VPS13B: variants seen among roughly 807,000 people sequenced by gnomAD.
The protein encoded by VPS13B is vacuolar protein sorting 13 homolog B.
A neutral mutation model predicts 426.4 loss-of-function variants in VPS13B; 285 were observed. That is an observed-to-expected ratio of 0.67 (90% CI 0.61 to 0.74). VPS13B has a LOEUF of 0.74. Ranked by LOEUF, VPS13B falls within the 30% of genes least tolerant of loss-of-function variation. The pLI, the probability that VPS13B is intolerant of heterozygous loss-of-function variation, is 0.00. For synonymous variants in VPS13B, 1,676 were observed against 1,676.4 expected (o/e 1.00, Z 0.01); for missense variants, 4,537 against 4,782.6 (o/e 0.95, Z 1.51).
chr8:99,026,771 C>A, intron 2 of VPS13B, among the ~76,000 whole-genome samples: 1 of 152,064 alleles, frequency 6.6e-6, no homozygotes, highest in East Asian at 1.9e-4. Flanking sequence ...TACTCCTATT[C>A]ATTTTTGGTG....
chr8:99,088,916 C>T (rs1028804757), intron 3 of VPS13B, among the ~76,000 whole-genome samples: 1 of 152,146 alleles, frequency 6.6e-6, no homozygotes, highest in Non-Finnish European at 1.5e-5. Flanking sequence ...TTCATTCCTG[C>T]AGGTACAGTC....
intron 19 of VPS13B, among the ~76,000 whole-genome samples, chr8:99,300,946 C>T (rs981430113): frequency 7.3e-5 from 11 of 150,250 alleles, no homozygotes; most frequent in East Asian, 2.0e-4. Flanking sequence ...ACTTTTGGCC[C>T]GGCATGGTGG....
intron 26 of VPS13B, 59 bp from the exon 27 acceptor site, chr8:99,502,777 A>G: frequency 7.8e-7 from 1 of 1,276,066 alleles, no homozygotes; most frequent in Non-Finnish European, 1.1e-6. Flanking sequence ...TGTAAAATAG[A>G]AAGTTTTAAT....
chr8:99,034,468 A>G (rs1209939707), intron 2 of VPS13B, among the ~76,000 whole-genome samples: 1 of 151,866 alleles, frequency 6.6e-6, no homozygotes, highest in Admixed American at 6.6e-5. Context: ...TTAACTCGAA[A>G]TGAGTAGCTT....
At chr8:99,499,964 AT>A (rs538894022) in intron 25 of VPS13B, among the ~76,000 whole-genome samples, 152 of 152,316 alleles carry the variant, frequency 1.0e-3, no homozygotes, top group African/African-American at 3.5e-3. Flanking sequence ...GAAAGATGTT[AT>A]AAAACAATGA....
intron 39 of VPS13B, among the ~76,000 whole-genome samples, chr8:99,743,870 A>T (rs1418379716): frequency 6.6e-6 from 1 of 152,194 alleles, no homozygotes; most frequent in Non-Finnish European, 1.5e-5. Flanking sequence ...AACCATAAAA[A>T]CCCAGAAGAA....
chr8:99,345,713 G>A (rs1307017200), intron 19 of VPS13B, among the ~76,000 whole-genome samples: 1 of 152,078 alleles, frequency 6.6e-6, no homozygotes. Flanking sequence ...TCAGTCACCA[G>A]TGAAATAATG....
At chr8:99,150,990 A>C (rs1431517928) in intron 14 of VPS13B, among the ~76,000 whole-genome samples, 1 of 152,204 alleles carries the variant, frequency 6.6e-6, no homozygotes, top group Non-Finnish European at 1.5e-5. Context: ...ATGATTTTGC[A>C]TCCCTGCCAG....
At chr8:99,593,702 A>G (rs1032523379) in intron 33 of VPS13B, among the ~76,000 whole-genome samples, 8 of 152,172 alleles carry the variant, frequency 5.3e-5, no homozygotes, top group Admixed American at 3.3e-4. Flanking sequence ...TGTGGTAAGT[A>G]TACACCATGG....
In VPS13B at chr8:99,848,772, G is replaced by T. The variant is rs2130902382; in HGVS notation, c.9943-4G>T. 1 of 1,613,316 alleles carries T rather than the reference G, an allele frequency of 6.2e-7. No homozygotes were observed. On this transcript the variant is annotated splice_polypyrimidine_tract_variant and splice_region_variant and intron_variant, in intron 54 of 61. Coordinates refer to ENST00000357162, the MANE Select transcript of VPS13B (RefSeq NM_152564.5). The stretch of plus-strand genomic sequence containing the variant: ...TAATCAGATTTTGAATATTCTTTCT[G>T]CAGGTTGTGTTCCTGACTGGCTTTG...
intron 36 of VPS13B, among the ~76,000 whole-genome samples, chr8:99,710,066 T>C (rs574608923): frequency 6.6e-6 from 1 of 152,338 alleles, no homozygotes; most frequent in East Asian, 1.9e-4. Flanking sequence ...TCGTAAACTT[T>C]TGAAGCATAT....
intron 35 of VPS13B, among the ~76,000 whole-genome samples, chr8:99,689,647 A>C (rs1043343668): frequency 6.6e-6 from 1 of 152,186 alleles, no homozygotes; most frequent in Non-Finnish European, 1.5e-5. Context: ...ATGGGATCCA[A>C]TCTATTGAAA....
intron 3 of VPS13B, among the ~76,000 whole-genome samples, chr8:99,079,692 TTC>T (rs1466156175): frequency 1.3e-5 from 2 of 152,176 alleles, no homozygotes; most frequent in Non-Finnish European, 2.9e-5. Flanking sequence ...GTAAGAGAAT[TTC>T]TGTTTGTCTA....
chr8:99,828,407 T>TTTTG (rs1814843183), intron 51 of VPS13B, among the ~76,000 whole-genome samples: 1 of 52,212 alleles, frequency 1.9e-5, no homozygotes, highest in Non-Finnish European at 3.9e-5. Context: ...TTTTTTTTTT[T>TTTTG]TTTTTTTTTT....
At chr8:99,720,803 T>C in intron 38 of VPS13B, 60 bp from the exon 39 acceptor site, 1 of 1,482,336 alleles carries the variant, frequency 6.7e-7, no homozygotes, top group Non-Finnish European at 9.3e-7. Flanking sequence ...TTCCTTTACT[T>C]TTTCCCCTTT....
chr8:99,754,593 T>C (rs1187271341), intron 39 of VPS13B, among the ~76,000 whole-genome samples: 1 of 152,192 alleles, frequency 6.6e-6, no homozygotes, highest in African/African-American at 2.4e-5. Context: ...TGAACATGTC[T>C]ATTTCATGCC....
chr8:99,792,918 T>C (rs983312653), intron 43 of VPS13B, among the ~76,000 whole-genome samples: 5 of 151,272 alleles, frequency 3.3e-5, no homozygotes, highest in East Asian at 1.9e-4. Context: ...AAAAACATAA[T>C]AGATGGGCCA....
intron 14 of VPS13B, among the ~76,000 whole-genome samples, chr8:99,150,457 T>G (rs367983964): frequency 2.6e-5 from 4 of 152,194 alleles, no homozygotes; most frequent in African/African-American, 9.7e-5. Context: ...CTATGAGTGT[T>G]GAAAAATATA....
chr8:99,853,849 G>A lies in VPS13B; in HGVS notation c.10460G>A (p.Gly3487Asp). The change falls in exon 56 of 62, where the codon GGC (glycine) becomes GAC (aspartate). Residue 3487 changes from glycine to aspartate, a missense_variant. Transcript: ENST00000357162. ...AAACTTTGCATCACCTTAAATGAAGGCAAGAGCATCCTCTGTGATATTAAT... is the reference window on the plus strand; with the variant it reads ...AAACTTTGCATCACCTTAAATGAAGACAAGAGCATCCTCTGTGATATTAAT... Reference protein sequence around the residue: ...FIKLCITLNEGKSILCDINEF... With the variant: ...FIKLCITLNEDKSILCDINEF... The A allele has an allele frequency of 1.2e-6, 2 of 1,614,222 alleles. No individual in the cohort carries two copies. Among genetic ancestry groups the A allele is most frequent in the Non-Finnish European group, 1.7e-6 (2 of 1,180,034 alleles).
Sources: gnomAD v4.1 joint callset for allele counts (sites outside exome capture counted in the v4.1 genomes callset) on GRCh38, gnomAD v4.1.1 for gene constraint, MANE v1.5 for transcripts, NCBI Gene and HGNC (gene_info 2026-07-23, HGNC 2026-07-21) for gene names.